TAFA2: variants seen among roughly 807,000 people sequenced by gnomAD.
The protein encoded by TAFA2 is chemokine-like protein TAFA-2.
TAFA2 carries 7 observed loss-of-function variants against 18.8 expected under a neutral mutation model. The ratio of observed to expected loss-of-function variants is 0.37; its 90% CI spans 0.21 to 0.70. The LOEUF is 0.70. TAFA2 is among the 30% of genes least tolerant of loss of function. The pLI is 0.53. For missense variants in TAFA2, 122 were observed against 158.1 expected (o/e 0.77, Z 1.23); for synonymous variants, 60 against 54.2 (o/e 1.11, Z -0.47).
intron 1 of TAFA2, among the ~76,000 whole-genome samples, chr12:62,147,868 G>GA: frequency 6.6e-6 from 1 of 150,962 alleles, no homozygotes; most frequent in East Asian, 2.0e-4. Flanking sequence ...ACATCAACAA[G>GA]AAAAAAATAA....
rs887925371 is a variant in TAFA2, at chr12:61,946,220, T to G, written c.-1-78794A>C. The stretch of plus-strand genomic sequence containing the variant: ...AAGCAATGGGGAAAGGATTCCCTAT[T>G]TAATAAATGGTGCTGGGAAAACTGG... On this transcript the variant is annotated intron_variant, in intron 1 of 4. Coordinates refer to ENST00000416284, the MANE Select transcript of TAFA2 (RefSeq NM_178539.5). Among the ~76,000 whole-genome samples the G allele has an allele frequency of 3.8e-3, 574 of 150,770 alleles. 5 individuals carry two copies. The highest frequency in any genetic ancestry group is 0.013 in the African/African-American group (540 of 41,054).
intron 1 of TAFA2, among the ~76,000 whole-genome samples, chr12:62,213,256 C>T (rs2062721205): frequency 6.6e-6 from 1 of 152,124 alleles, no homozygotes; most frequent in South Asian, 2.1e-4. Context: ...AAAACAAAAT[C>T]CCTAGGTGTA....
chr12:62,089,139 C>A (rs969556006), intron 1 of TAFA2, among the ~76,000 whole-genome samples: 6 of 152,104 alleles, frequency 3.9e-5, no homozygotes, highest in Admixed American at 6.6e-5. Context: ...GAAATTAACA[C>A]CAAAGCTTAG....
intron 2 of TAFA2, among the ~76,000 whole-genome samples, chr12:61,825,609 C>T (rs79384975): frequency 0.016 from 2,473 of 152,042 alleles, 56 homozygotes; most frequent in East Asian, 0.1. Flanking sequence ...TGGAGTCAAA[C>T]GACAAAGCAA....
chr12:61,987,559 G>A (rs896987602), intron 1 of TAFA2, among the ~76,000 whole-genome samples: 2 of 152,198 alleles, frequency 1.3e-5, no homozygotes, highest in Non-Finnish European at 2.9e-5. Flanking sequence ...CCTGCAAGAT[G>A]CCAAACTACC....
intron 1 of TAFA2, among the ~76,000 whole-genome samples, chr12:62,093,849 T>C (rs1868828673): frequency 1.3e-5 from 2 of 151,954 alleles, no homozygotes; most frequent in Non-Finnish European, 2.9e-5. Context: ...AATTGAGTAA[T>C]ACCATCATGA....
At chr12:62,096,893 A>C (rs1868975429) in intron 1 of TAFA2, among the ~76,000 whole-genome samples, 2 of 152,064 alleles carry the variant, frequency 1.3e-5, no homozygotes, top group African/African-American at 2.4e-5. Context: ...GCATGTCCTC[A>C]TGGGGCACAT....
chr12:62,208,026 T>C (rs1389493705), intron 1 of TAFA2, among the ~76,000 whole-genome samples: 1 of 152,170 alleles, frequency 6.6e-6, no homozygotes, highest in Non-Finnish European at 1.5e-5. Context: ...ATGGGCAATC[T>C]TGGTCTCATT....
intron 1 of TAFA2, among the ~76,000 whole-genome samples, chr12:61,926,505 A>C (rs1877299440): frequency 6.6e-6 from 1 of 152,200 alleles, no homozygotes; most frequent in African/African-American, 2.4e-5. Context: ...ACCATGATCA[A>C]CTCAGCTTCA....
chr12:62,089,855 T>C (rs1342747943), intron 1 of TAFA2, among the ~76,000 whole-genome samples: 3 of 152,118 alleles, frequency 2.0e-5, no homozygotes, highest in African/African-American at 7.2e-5. Flanking sequence ...TATGCAAATA[T>C]CATTCATCTT....
At chr12:62,115,010 T>C (rs1869899697) in intron 1 of TAFA2, among the ~76,000 whole-genome samples, 1 of 152,216 alleles carries the variant, frequency 6.6e-6, no homozygotes, top group South Asian at 2.1e-4. Flanking sequence ...ACTTTGGTCA[T>C]TTAGACCAAC....
chr12:61,796,862 T>C (rs549615100), intron 2 of TAFA2, among the ~76,000 whole-genome samples: 17 of 152,260 alleles, frequency 1.1e-4, no homozygotes, highest in Non-Finnish European at 2.5e-4. Flanking sequence ...CATGGAGTCA[T>C]GGTTAACCTG....
intron 1 of TAFA2, among the ~76,000 whole-genome samples, chr12:62,168,795 C>A (rs984051456): frequency 2.6e-5 from 4 of 152,102 alleles, no homozygotes; most frequent in African/African-American, 9.7e-5. Flanking sequence ...TATGATTGCA[C>A]CACTGCACTC....
At chr12:62,242,037 A>C (rs1173668217) in intron 1 of TAFA2, among the ~76,000 whole-genome samples, 2 of 152,240 alleles carry the variant, frequency 1.3e-5, no homozygotes, top group Non-Finnish European at 2.9e-5. Context: ...AGAGAGAAGA[A>C]AAAAGGAAAA....
intron 2 of TAFA2, among the ~76,000 whole-genome samples, chr12:61,776,761 G>A (rs1352281772): frequency 6.6e-6 from 1 of 151,732 alleles, no homozygotes; most frequent in Non-Finnish European, 1.5e-5. Flanking sequence ...ATATATTTCT[G>A]TTTTGTTTAC....
intron 2 of TAFA2, among the ~76,000 whole-genome samples, chr12:61,842,981 C>A (rs1005323610): frequency 2.6e-5 from 4 of 151,946 alleles, no homozygotes; most frequent in African/African-American, 9.7e-5. Flanking sequence ...CATGGAGACA[C>A]AAAGCTGGCC....
Position 62,127,889 on chromosome 12 carries a change from A to C in TAFA2, c.-2+63370T>G, listed in dbSNP as rs367574033. 2.0e-5 allele frequency among the ~76,000 whole-genome samples: 3 copies of C among 152,012 alleles called. No individual in the cohort carries two copies. In the East Asian group the frequency reaches 5.8e-4, roughly 29 times the overall value. ...CAAGTACATAGTAAGTACTCAATTA[A>C]ATGTTGTCTGCTAATATTATTATTT... On this transcript the variant is annotated intron_variant, in intron 1 of 4. Transcript: ENST00000416284.
chr12:62,162,774 A>G (rs541605694), intron 1 of TAFA2, among the ~76,000 whole-genome samples: 1 of 152,164 alleles, frequency 6.6e-6, no homozygotes, highest in African/African-American at 2.4e-5. Flanking sequence ...ATTTAGATCA[A>G]CAAATAGAAA....
chr12:61,742,816 A>C lies in TAFA2; in HGVS notation c.384+10806T>G, dbSNP rs75378263. On this transcript the variant is annotated intron_variant, in intron 4 of 4. Transcript: ENST00000416284. ...GAATTTTTCCTTTCATTTACTTTTC[A>C]TGTTCAATTAATTACCAAGCCCTAT... 8.0e-3 allele frequency among the ~76,000 whole-genome samples: 1,213 copies of C among 152,076 alleles called. 19 individuals carry two copies. The highest frequency in any genetic ancestry group is 0.027 in the African/African-American group (1,140 of 41,498).
Sources: gnomAD v4.1 joint callset for allele counts (sites outside exome capture counted in the v4.1 genomes callset) on GRCh38, gnomAD v4.1.1 for gene constraint, MANE v1.5 for transcripts, NCBI Gene and HGNC (gene_info 2026-07-23, HGNC 2026-07-21) for gene names.